The following CHST15 variants were observed in gnomAD, a reference collection of about 807,000 sequenced individuals.
CHST15 encodes the protein carbohydrate sulfotransferase 15, also known as B cell RAG associated protein (GALNAC4S-6ST).
Under a neutral mutation model 53.6 loss-of-function variants are expected in CHST15, and 30 were observed. That is an observed-to-expected ratio of 0.56 (90% CI 0.42 to 0.76). The LOEUF (loss-of-function observed/expected upper bound fraction) is 0.76. Ranked by LOEUF, CHST15 falls within the 30% of genes least tolerant of loss-of-function variation. The pLI is 0.00. For missense variants in CHST15, 627 were observed against 740.5 expected, an observed-to-expected ratio of 0.85 and a Z score of 1.78; for synonymous variants, 296 against 289.8, an observed-to-expected ratio of 1.02 and a Z score of -0.22.
chr10:124,056,871 G>T (rs756560536), intron 1 of CHST15, among the ~76,000 whole-genome samples: 2 of 151,572 alleles, frequency 1.3e-5, no homozygotes, highest in East Asian at 3.9e-4. Context: ...CTGTACGACC[G>T]GACACTCTGC....
chr10:124,009,332 A>C lies in CHST15; in HGVS notation c.*817T>G, dbSNP rs919958110. On this transcript the variant is annotated 3_prime_UTR_variant, in exon 8 of 8. Transcript: ENST00000435907. ...AAACGTATGAAGAGGCAGCAGAGAG[A>C]GAGCCAGGACTGGTTAAATGCAGAA... 18 of 1,077,028 alleles carry C rather than the reference A, an allele frequency of 1.7e-5. No homozygotes were observed. Among genetic ancestry groups the C allele is most frequent in the Admixed American group, 1.4e-4 (3 of 21,100 alleles). The allele number at this position is 1,077,028 out of a possible 1,614,324, so 66.7% of individuals were successfully genotyped here.
At chr10:124,080,212 A>C (rs1231803847) in intron 1 of CHST15, among the ~76,000 whole-genome samples, 1 of 152,226 alleles carries the variant, frequency 6.6e-6, no homozygotes, top group African/African-American at 2.4e-5. Context: ...GCAGAAGAGA[A>C]GAAAATCAAC....
chr10:124,038,016 T>C (rs1442311629), intron 5 of CHST15, among the ~76,000 whole-genome samples: 2 of 152,178 alleles, frequency 1.3e-5, no homozygotes, highest in African/African-American at 4.8e-5. Context: ...GCAACATGTG[T>C]CAACTCAGTG....
intron 6 of CHST15, among the ~76,000 whole-genome samples, chr10:124,017,590 T>G (rs1487175547): frequency 6.6e-6 from 1 of 152,188 alleles, no homozygotes; most frequent in African/African-American, 2.4e-5. Context: ...ACCTTCTCTC[T>G]TGGACCAGGG....
At chr10:124,093,109 C>T (rs945137152) in intron 1 of CHST15, among the ~76,000 whole-genome samples, 1 of 152,212 alleles carries the variant, frequency 6.6e-6, no homozygotes, top group East Asian at 1.9e-4. Context: ...GCAGGGCGCC[C>T]GGAGCGCGGC....
At chr10:124,041,132 G>GA (rs1248976008) in intron 4 of CHST15, among the ~76,000 whole-genome samples, 1 of 151,732 alleles carries the variant, frequency 6.6e-6, no homozygotes, top group Admixed American at 6.6e-5. Flanking sequence ...GAGTTTAAAA[G>GA]AAAAAAAAGA....
intron 1 of CHST15, among the ~76,000 whole-genome samples, chr10:124,050,449 G>C (rs555736117): frequency 6.6e-6 from 1 of 152,214 alleles, no homozygotes; most frequent in Non-Finnish European, 1.5e-5. Flanking sequence ...TCTTTGTGCC[G>C]TCCTAGGGCT....
At chr10:124,011,552 G>A in intron 7 of CHST15, 1 of 985,474 alleles carries the variant, frequency 1.0e-6, no homozygotes, top group Non-Finnish European at 1.2e-6. Flanking sequence ...GGCGTTCTGG[G>A]AAGGAGGGCG....
chr10:124,021,240 G>GGT lies in CHST15; in HGVS notation c.1347+15_1347+16insAC, dbSNP rs1554903170. ...CAGGGGCCAGCTCGGGGGGTACGGG[G>GGT]GGGGGGGGTACACACAGGCATGGCG... is the stretch of plus-strand genomic sequence containing the variant. On this transcript the variant is annotated intron_variant, in intron 6 of 7. Coordinates refer to ENST00000435907, the MANE Select transcript of CHST15 (RefSeq NM_001270764.2). The GGT allele has an allele frequency of 1.9e-6, 3 of 1,563,444 alleles. No individual in the cohort carries two copies. Among genetic ancestry groups the GGT allele is most frequent in the Non-Finnish European group, 2.6e-6 (3 of 1,150,218 alleles).
At chr10:124,051,466 T>C (rs1375413225) in intron 1 of CHST15, among the ~76,000 whole-genome samples, 5 of 152,206 alleles carry the variant, frequency 3.3e-5, no homozygotes, top group Non-Finnish European at 7.3e-5. Flanking sequence ...ACTCAAGTGG[T>C]TCTTCCTTCA....
intron 1 of CHST15, among the ~76,000 whole-genome samples, chr10:124,081,693 G>T (rs374276473): frequency 3.9e-4 from 60 of 152,294 alleles, no homozygotes; most frequent in African/African-American, 1.3e-3. Context: ...GCTAAATGGT[G>T]CCTGGAAACA....
chr10:124,084,401 G>A (rs1008146554), intron 1 of CHST15, among the ~76,000 whole-genome samples: 1 of 152,248 alleles, frequency 6.6e-6, no homozygotes, highest in Non-Finnish European at 1.5e-5. Flanking sequence ...CTCCGTTAGA[G>A]CCTTTGGGCC....
chr10:124,029,535 TCA>T (rs1947140219), intron 5 of CHST15, among the ~76,000 whole-genome samples: 1 of 152,146 alleles, frequency 6.6e-6, no homozygotes, highest in African/African-American at 2.4e-5. Flanking sequence ...CGGTAACTGT[TCA>T]CAGACTGGGA....
At position 124,008,772 on chromosome 10, in the gene CHST15, G is replaced by A. The variant is rs1946333891; in HGVS notation, c.*1377C>T. The A allele has an allele frequency of 8.6e-7, 1 of 1,163,968 alleles. No homozygotes were observed. Among genetic ancestry groups the A allele is most frequent in the African/African-American group, 1.6e-5 (1 of 62,254 alleles). 72.1% of individuals were successfully genotyped at this position (1,163,968 alleles called of 1,614,324 possible). A position where few individuals can be genotyped will look rare whatever the true frequency, so the allele number is the denominator to read the frequency against. Reference sequence around the variant, plus strand: ...GCCTGAGAACTTTGGTTCACAGGAAGCTTCCCTTGACAATACTTGAGTGCA... The same window carrying A: ...GCCTGAGAACTTTGGTTCACAGGAAACTTCCCTTGACAATACTTGAGTGCA... On this transcript the variant is annotated 3_prime_UTR_variant, in exon 8 of 8. Coordinates refer to ENST00000435907, the MANE Select transcript of CHST15 (RefSeq NM_001270764.2).
chr10:124,064,732 C>T (rs1279584234), intron 1 of CHST15, among the ~76,000 whole-genome samples: 1 of 151,888 alleles, frequency 6.6e-6, no homozygotes, highest in East Asian at 1.9e-4. Context: ...CTCTCCCAGC[C>T]TCCTTAGCCA....
At chr10:124,079,347 A>G (rs920156784) in intron 1 of CHST15, among the ~76,000 whole-genome samples, 1 of 152,220 alleles carries the variant, frequency 6.6e-6, no homozygotes, top group African/African-American at 2.4e-5. Context: ...ATAACTGATG[A>G]CACAATCCGT....
chr10:124,019,102 C>G lies in CHST15; in HGVS notation c.1347+2154G>C, dbSNP rs1946682001. On this transcript the variant is annotated intron_variant, in intron 6 of 7. Transcript: ENST00000435907. The surrounding 1 kb of genome is among the most constrained non-coding windows in gnomAD (Gnocchi z 4.6). ...TGCAGGATGGAAGAGCCACCTGCACCAGGAAAGTGTAGATGTGGCACGAAA... is the reference window on the plus strand; with the variant it reads ...TGCAGGATGGAAGAGCCACCTGCACGAGGAAAGTGTAGATGTGGCACGAAA... 6.6e-6 allele frequency among the ~76,000 whole-genome samples: 1 copy of G among 152,124 alleles called. No individual in the cohort carries two copies. The highest frequency in any genetic ancestry group is 2.4e-5 in the African/African-American group (1 of 41,412).
At chr10:124,070,426 T>G (rs931017754) in intron 1 of CHST15, among the ~76,000 whole-genome samples, 10 of 152,232 alleles carry the variant, frequency 6.6e-5, no homozygotes, top group Admixed American at 3.3e-4. Context: ...GTCACCAGGC[T>G]GGAGTGCAGT....
Position 124,007,828 on chromosome 10 carries a change from C to T in CHST15, c.*2321G>A, listed in dbSNP as rs2133804244. On this transcript the variant is annotated 3_prime_UTR_variant, in exon 8 of 8. Coordinates refer to ENST00000435907, the MANE Select transcript of CHST15 (RefSeq NM_001270764.2). ...TTAACACGGTCACAACTTTTGAGAA[C>T]AAAAAGGAACTTCAATACCATGTTG... 2.4e-6 allele frequency: 3 copies of T among 1,232,074 alleles called. No homozygotes were observed. The highest frequency in any genetic ancestry group is 1.5e-5 in the African/African-American group (1 of 64,520). 76.3% of individuals were successfully genotyped at this position (1,232,074 alleles called of 1,614,324 possible).
Sources: allele counts gnomAD v4.1 joint callset (sites outside exome capture counted in the v4.1 genomes callset), GRCh38; gene constraint gnomAD v4.1.1; non-coding constraint Gnocchi (gnomAD v3.1); transcripts MANE v1.5; gene names NCBI Gene and HGNC (gene_info 2026-07-23, HGNC 2026-07-21).